Variants in CTNND2 observed in about 807,000 individuals in gnomAD.
The protein encoded by CTNND2 is catenin delta 2, also known as catenin delta-2.
A neutral mutation model predicts 144.4 loss-of-function variants in CTNND2; 22 were observed. That is an observed-to-expected ratio of 0.15 (90% CI 0.11 to 0.22). CTNND2 has a LOEUF of 0.22. Among genes scored for constraint, CTNND2 ranks in the 10% least tolerant of loss-of-function variants. The pLI is 1.00. For missense variants in CTNND2, 1,353 were observed against 1,618.8 expected (o/e 0.84, Z 2.82); for synonymous variants, 751 against 695.6 (o/e 1.08, Z -1.25).
At chr5:11,617,298 C>G (rs1780625872) in intron 2 of CTNND2, among the ~76,000 whole-genome samples, 1 of 152,140 alleles carries the variant, frequency 6.6e-6, no homozygotes, top group African/African-American at 2.4e-5. Flanking sequence ...AACTTCTCAC[C>G]CCTGGAAGGA....
chr5:11,157,280 G>A (rs1298559301), intron 12 of CTNND2, among the ~76,000 whole-genome samples: 2 of 152,138 alleles, frequency 1.3e-5, no homozygotes, highest in Admixed American at 6.5e-5. Flanking sequence ...GCTGGGTAGC[G>A]AGTGCTGGCC....
intron 3 of CTNND2, among the ~76,000 whole-genome samples, chr5:11,427,825 T>A (rs1422521632): frequency 6.6e-6 from 1 of 152,116 alleles, no homozygotes; most frequent in Non-Finnish European, 1.5e-5. Context: ...ATCTCCACTG[T>A]CAAAGAAATC....
intron 2 of CTNND2, among the ~76,000 whole-genome samples, chr5:11,648,777 C>T (rs1054809376): frequency 6.6e-6 from 1 of 152,148 alleles, no homozygotes; most frequent in Non-Finnish European, 1.5e-5. Flanking sequence ...ACTCAATAGA[C>T]TTTGAGCAGA....
intron 5 of CTNND2, among the ~76,000 whole-genome samples, chr5:11,398,896 C>T (rs1760382544): frequency 6.6e-6 from 1 of 152,172 alleles, no homozygotes; most frequent in Admixed American, 6.5e-5. Flanking sequence ...CTGCCAGGCC[C>T]AGCAGAGTCA....
intron 1 of CTNND2, among the ~76,000 whole-genome samples, chr5:11,820,172 T>C (rs1793235398): frequency 6.6e-6 from 1 of 152,202 alleles, no homozygotes; most frequent in Admixed American, 6.5e-5. Context: ...CTGTTAATCA[T>C]GGTTATTGAC....
chr5:11,323,229 A>C (rs1386619663), intron 9 of CTNND2, among the ~76,000 whole-genome samples: 1 of 50,086 alleles, frequency 2.0e-5, no homozygotes, highest in Non-Finnish European at 4.2e-5. Flanking sequence ...ACATTTAGAG[A>C]TTGGGGGGGG....
chr5:11,435,809 T>C (rs142907859), intron 3 of CTNND2, among the ~76,000 whole-genome samples: 114 of 152,356 alleles, frequency 7.5e-4, no homozygotes, highest in African/African-American at 2.5e-3. Context: ...ACAGTTCTAT[T>C]ATCTGAAGGC....
intron 6 of CTNND2, among the ~76,000 whole-genome samples, chr5:11,391,309 T>G (rs936012339): frequency 2.0e-5 from 3 of 152,010 alleles, no homozygotes; most frequent in African/African-American, 7.2e-5. Context: ...TGTTGCACTT[T>G]CCTAGTTTAA....
chr5:11,428,414 AG>A (rs1424290500), intron 3 of CTNND2, among the ~76,000 whole-genome samples: 1 of 152,170 alleles, frequency 6.6e-6, no homozygotes, highest in Non-Finnish European at 1.5e-5. Flanking sequence ...ACCTAACTTG[AG>A]GACCCTGTCT....
intron 2 of CTNND2, among the ~76,000 whole-genome samples, chr5:11,575,427 G>T (rs919345235): frequency 2.0e-4 from 30 of 152,106 alleles, no homozygotes; most frequent in African/African-American, 6.8e-4. Context: ...CAGAATTTCT[G>T]TTCAATGATC....
intron 2 of CTNND2, among the ~76,000 whole-genome samples, chr5:11,631,361 C>T (rs374512435): frequency 3.5e-4 from 54 of 152,262 alleles, no homozygotes; most frequent in African/African-American, 1.3e-3. Flanking sequence ...TATGTCTTAT[C>T]GTGAAGACTA....
chr5:11,364,887 C>G lies in CTNND2; in HGVS notation c.1181G>C (p.Gly394Ala), dbSNP rs773211125. ...TLQRPGSLAA[G>A]SRASYSSQHG... is the part of the protein sequence containing the mutation. ...CTGGCTGCTGTATGAGGCTCGGGAA[C>G]CAGCTGAAATAAATCAACAGAGGGA... is the stretch of plus-strand genomic sequence containing the variant. The change falls in exon 8 of 22, where the codon GGT (glycine) becomes GCT (alanine). Residue 394 changes from glycine to alanine, a missense_variant. Transcript: ENST00000304623. 6.2e-7 allele frequency: 1 copy of G among 1,610,394 alleles called. No individual in the cohort carries two copies. The highest frequency in any genetic ancestry group is 8.5e-7 in the Non-Finnish European group (1 of 1,178,522).
chr5:11,392,290 T>A (rs10077574), intron 6 of CTNND2, among the ~76,000 whole-genome samples: 2,180 of 152,278 alleles, frequency 0.014, 44 homozygotes, highest in African/African-American at 0.048. Context: ...TTCTGAAAAG[T>A]ATTTCATATG....
intron 5 of CTNND2, among the ~76,000 whole-genome samples, chr5:11,407,019 G>A (rs1173442675): frequency 2.0e-5 from 3 of 151,806 alleles, no homozygotes; most frequent in Non-Finnish European, 4.4e-5. Flanking sequence ...TTTTTTCCAG[G>A]TTATCCTTTC....
At chr5:11,579,400 C>T (rs868850059) in intron 2 of CTNND2, among the ~76,000 whole-genome samples, 25 of 152,144 alleles carry the variant, frequency 1.6e-4, no homozygotes, top group African/African-American at 6.0e-4. Context: ...AATGGATGTA[C>T]ATTATCAAGT....
At chr5:11,151,967 C>T (rs921181006) in intron 12 of CTNND2, among the ~76,000 whole-genome samples, 3 of 152,074 alleles carry the variant, frequency 2.0e-5, no homozygotes, top group African/African-American at 7.2e-5. Flanking sequence ...CTTTTTCGAA[C>T]TTTTCCTAAT....
At chr5:11,720,434 C>G (rs938496942) in intron 2 of CTNND2, among the ~76,000 whole-genome samples, 1 of 152,144 alleles carries the variant, frequency 6.6e-6, no homozygotes, top group Non-Finnish European at 1.5e-5. Flanking sequence ...TAAATTTTGA[C>G]GCTTTATCCT....
chr5:11,001,453 C>T (rs972130114), intron 18 of CTNND2, among the ~76,000 whole-genome samples: 11 of 152,038 alleles, frequency 7.2e-5, no homozygotes, highest in Admixed American at 2.0e-4. Flanking sequence ...TTTCTGAAGC[C>T]GTGGTATCTA....
Position 11,615,871 on chromosome 5 carries a change from A to G in CTNND2, c.175-50815T>C, listed in dbSNP as rs1780554701. ...TGGCTACTGAAAAATCACATGCATG[A>G]CAATGGTATTCTCTTTTACACAAAT... On this transcript the variant is annotated intron_variant, in intron 2 of 21. Coordinates refer to ENST00000304623, the MANE Select transcript of CTNND2 (RefSeq NM_001332.4). 2.0e-5 allele frequency among the ~76,000 whole-genome samples: 3 copies of G among 152,210 alleles called. 1 individual carries two copies. The East Asian group carries it at 5.8e-4, about 29-fold the overall frequency.
Sources: gnomAD v4.1 joint callset for allele counts (sites outside exome capture counted in the v4.1 genomes callset) on GRCh38, gnomAD v4.1.1 for gene constraint, MANE v1.5 for transcripts, NCBI Gene and HGNC (gene_info 2026-07-23, HGNC 2026-07-21) for gene names.